The following EDDM13 variants were observed in gnomAD, a reference collection of about 807,000 sequenced individuals.
The protein encoded by EDDM13 is epididymal protein 13.
Under a neutral mutation model 17.8 loss-of-function variants are expected in EDDM13, and 24 were observed. The ratio of observed to expected loss-of-function variants is 1.35; its 90% CI spans 0.98 to 1.90. The LOEUF (loss-of-function observed/expected upper bound fraction) is 1.90, where lower values mean the gene tolerates loss of function less well. Among genes scored for constraint, EDDM13 ranks in the 40% most tolerant of loss-of-function variants. The pLI, the probability that EDDM13 is intolerant of heterozygous loss-of-function variation, is 0.00. For missense variants in EDDM13, 97 were observed against 100.8 expected (o/e 0.96, Z 0.16); for synonymous variants, 31 against 37.5 (o/e 0.83, Z 0.63).
At chr19:56,286,512 T>G (rs899128648) in intron 6 of EDDM13, 2 of 152,136 alleles carry the variant, frequency 1.3e-5, no homozygotes, top group African/African-American at 4.8e-5. Context: ...TTTATACCGC[T>G]TGAGTAAGTG....
At chr19:56,303,742 A>T (rs2040496688) in intron 13 of EDDM13, among the ~76,000 whole-genome samples, 1 of 152,178 alleles carries the variant, frequency 6.6e-6, no homozygotes, top group Admixed American at 6.5e-5. Flanking sequence ...GCCAGCTCCA[A>T]AAAACATGAA....
intron 4 of EDDM13, chr19:56,283,311 T>C (rs1227657640): frequency 6.6e-6 from 1 of 152,172 alleles, no homozygotes; most frequent in African/African-American, 2.4e-5. Flanking sequence ...TTACTAAATG[T>C]TACCTTGAGC....
At chr19:56,281,787 C>A in intron 3 of EDDM13, 89 bp downstream of exon 3, 1 of 753,536 alleles carries the variant, frequency 1.3e-6, no homozygotes, top group Non-Finnish European at 1.6e-6. Flanking sequence ...GGCAAAACTG[C>A]TGACGATCAC....
intron 2 of EDDM13, among the ~76,000 whole-genome samples, chr19:56,281,234 G>A (rs2038674069): frequency 6.6e-6 from 1 of 152,126 alleles, no homozygotes; most frequent in Admixed American, 6.5e-5. Flanking sequence ...CTGACCAGAA[G>A]AAGGAAGGGG....
At chr19:56,301,325 G>A (rs998254693) in intron 12 of EDDM13, among the ~76,000 whole-genome samples, 1 of 152,090 alleles carries the variant, frequency 6.6e-6, no homozygotes, top group African/African-American at 2.4e-5. Context: ...GGAGCTGAGG[G>A]TGCCTCCCCT....
chr19:56,283,626 GC>G (rs1222923616), intron 4 of EDDM13: 1 of 152,098 alleles, frequency 6.6e-6, no homozygotes, highest in Admixed American at 6.5e-5. Flanking sequence ...AGCAAGCCTC[GC>G]CCCAGTTAAC....
intron 2 of EDDM13, among the ~76,000 whole-genome samples, chr19:56,279,519 A>G (rs1427253890): frequency 1.3e-5 from 2 of 152,246 alleles, no homozygotes; most frequent in Non-Finnish European, 2.9e-5. Flanking sequence ...GCATGTACTG[A>G]GAATTTAAAA....
chr19:56,280,832 C>T (rs1271796989), intron 2 of EDDM13: 4 of 152,148 alleles, frequency 2.6e-5, no homozygotes, highest in Non-Finnish European at 5.9e-5. Flanking sequence ...CATTAGGCCC[C>T]ACCTCCCAAC....
chr19:56,281,591 T>C, intron 2 of EDDM13, 102 bp from the exon 3 acceptor site: 1 of 541,482 alleles, frequency 1.8e-6, no homozygotes, highest in South Asian at 8.0e-5. Context: ...AAGAAATGCA[T>C]GTAAAAATTA....
intron 13 of EDDM13, among the ~76,000 whole-genome samples, chr19:56,302,581 C>CCTCTT (rs1555807487): frequency 0.031 from 1,224 of 39,956 alleles, 52 homozygotes; most frequent in African/African-American, 0.15. Flanking sequence ...TTCTTCCTCC[C>CCTCTT]CCTTTTCTTC....
chr19:56,288,508 C>A (rs1191511506), intron 7 of EDDM13, among the ~76,000 whole-genome samples, 70 bp downstream of exon 7: 1 of 152,170 alleles, frequency 6.6e-6, no homozygotes, highest in Non-Finnish European at 1.5e-5. Context: ...CTCATCCCAA[C>A]GATACCCCAC....
intron 14 of EDDM13, among the ~76,000 whole-genome samples, chr19:56,305,669 G>A (rs1381379570): frequency 2.0e-5 from 3 of 152,154 alleles, no homozygotes; most frequent in Admixed American, 6.5e-5. Context: ...AGTGAACGGG[G>A]CAGACAAGAT....
At chr19:56,290,956 C>T (rs1367817950) in intron 9 of EDDM13, among the ~76,000 whole-genome samples, 110 bp downstream of exon 9, 2 of 152,114 alleles carry the variant, frequency 1.3e-5, no homozygotes, top group Non-Finnish European at 2.9e-5. Context: ...CAATGTAGAA[C>T]ACAAGTTGAG....
At chr19:56,282,421 C>A (rs2038781880) in intron 3 of EDDM13, 70 bp from the exon 4 acceptor site, 37 of 917,494 alleles carry the variant, frequency 4.0e-5, no homozygotes, top group Non-Finnish European at 4.6e-5. Context: ...TCTCTCTGAA[C>A]CTTCATTGGC....
At position 56,308,313 on chromosome 19, in the gene EDDM13, T is replaced by C. The variant is rs565577646; in HGVS notation, c.462-1811T>C. On this transcript the variant is annotated intron_variant, in intron 14 of 14. Coordinates refer to ENST00000649256, the MANE Select transcript of EDDM13 (RefSeq NM_001354658.2). The stretch of plus-strand genomic sequence containing the variant: ...TCCCAAAGTGCTGGGATTACAGGCG[T>C]GAGCGGTGGCTCCCAGTCTTTTTTT... 1.1e-3 allele frequency among the ~76,000 whole-genome samples: 171 copies of C among 150,862 alleles called. 1 individual carries two copies. The highest frequency in any genetic ancestry group is 3.9e-3 in the African/African-American group (159 of 41,058).
chr19:56,307,193 C>A (rs1374054189), intron 14 of EDDM13, among the ~76,000 whole-genome samples: 2 of 151,848 alleles, frequency 1.3e-5, no homozygotes, highest in Non-Finnish European at 2.9e-5. Flanking sequence ...TTGATAGCTA[C>A]AAAGAGGCTC....
At chr19:56,305,015 G>C (rs2040591864) in intron 14 of EDDM13, among the ~76,000 whole-genome samples, 185 bp downstream of exon 14, 1 of 152,154 alleles carries the variant, frequency 6.6e-6, no homozygotes, top group Admixed American at 6.5e-5. Flanking sequence ...TGCCTGACAG[G>C]GGCAAGGAAA....
chr19:56,294,397 C>T (rs1466193438), intron 9 of EDDM13, among the ~76,000 whole-genome samples: 1 of 152,252 alleles, frequency 6.6e-6, no homozygotes, highest in Non-Finnish European at 1.5e-5. Context: ...CTTACCCAAA[C>T]TCCCTTAGAT....
chr19:56,285,486 C>T (rs1158434755), intron 6 of EDDM13, among the ~76,000 whole-genome samples: 1 of 152,196 alleles, frequency 6.6e-6, no homozygotes, highest in African/African-American at 2.4e-5. Context: ...CTGAGAAATG[C>T]TTCGTGTGTA....
Sources: gnomAD v4.1 joint callset for allele counts (sites outside exome capture counted in the v4.1 genomes callset) on GRCh38, gnomAD v4.1.1 for gene constraint, MANE v1.5 for transcripts, NCBI Gene and HGNC (gene_info 2026-07-23, HGNC 2026-07-21) for gene names.